Variants in DLC1 observed in about 807,000 individuals in gnomAD.
DLC1 encodes DLC1 Rho GTPase activating protein.
In DLC1, 54 loss-of-function variants were observed where a neutral mutation model predicts 140.3. That is an observed-to-expected ratio of 0.38 (90% CI 0.31 to 0.48). The LOEUF (loss-of-function observed/expected upper bound fraction) is 0.48, where lower values mean the gene tolerates loss of function less well. DLC1 is among the 20% of genes least tolerant of loss of function. The pLI, the probability that DLC1 is intolerant of heterozygous loss-of-function variation, is 0.96. For missense variants in DLC1, 2,536 were observed against 1,907.0 expected (o/e 1.33, Z -6.14); for synonymous variants, 986 against 728.1 (o/e 1.35, Z -5.70).
Position 13,099,768 on chromosome 8 carries a change from T to C in DLC1, c.2569A>G (p.Ser857Gly). ...GHISLRRENS[S>G]DSPKELKRRN... ...CTCTTCAGTTCCTTGGGGCTGTCGCTACTGTTTTCCCTCCTGAGGCTGATG... is the reference window on the plus strand; with the variant it reads ...CTCTTCAGTTCCTTGGGGCTGTCGCCACTGTTTTCCCTCCTGAGGCTGATG... The change falls in exon 9 of 18, where the codon AGC becomes GGC. Residue 857 changes from serine to glycine, a missense_variant. Transcript: ENST00000276297. 2 of 1,614,120 alleles carry C rather than the reference T, an allele frequency of 1.2e-6. No individual in the cohort carries two copies. Among genetic ancestry groups the C allele is most frequent in the African/African-American group, 2.7e-5 (2 of 75,042 alleles).
intron 5 of DLC1, among the ~76,000 whole-genome samples, chr8:13,248,106 C>T (rs1341594063): frequency 6.6e-6 from 1 of 152,220 alleles, no homozygotes; most frequent in Non-Finnish European, 1.5e-5. Flanking sequence ...TGCTTTTGCA[C>T]AGGGAAGCTG....
intron 5 of DLC1, among the ~76,000 whole-genome samples, chr8:13,244,451 C>T (rs1341147321): frequency 6.6e-6 from 1 of 152,050 alleles, no homozygotes; most frequent in African/African-American, 2.4e-5. Flanking sequence ...GTGTGCAGCA[C>T]TATGCCTGGC....
chr8:13,579,352 TATATATA>T (rs1563454034), intron 1 of DLC1, among the ~76,000 whole-genome samples: 3 of 31,508 alleles, frequency 9.5e-5, no homozygotes, highest in African/African-American at 4.2e-4. Context: ...TATATATATA[TATATATA>T]TATTTTTATA....
At chr8:13,385,119 G>A (rs6999844) in intron 4 of DLC1, among the ~76,000 whole-genome samples, 17,554 of 152,064 alleles carry the variant, frequency 0.12, 1,241 homozygotes, top group Non-Finnish European at 0.16. Context: ...GGTGGGAGCG[G>A]CCCTGATTTA....
chr8:13,351,425 G>C lies in DLC1; in HGVS notation c.1314+42128C>G, dbSNP rs1017392161. 2.0e-5 allele frequency among the ~76,000 whole-genome samples: 3 copies of C among 152,158 alleles called. No individual in the cohort carries two copies. The East Asian group carries it at 5.8e-4, about 29-fold the overall frequency. ...GTTAGTTTTCCTATATAATTACTTA[G>C]AAAAGGATTGCAAATATGCCTTCAG... On this transcript the variant is annotated intron_variant, in intron 4 of 17. Transcript: ENST00000276297.
At chr8:13,430,545 T>G (rs1030418488) in intron 2 of DLC1, among the ~76,000 whole-genome samples, 2 of 152,208 alleles carry the variant, frequency 1.3e-5, no homozygotes, top group Non-Finnish European at 2.9e-5. Flanking sequence ...TTATATTTTG[T>G]GGTGGTGCTC....
intron 1 of DLC1, among the ~76,000 whole-genome samples, chr8:13,563,799 G>C (rs1174587031): frequency 6.6e-6 from 1 of 152,072 alleles, no homozygotes; most frequent in Non-Finnish European, 1.5e-5. Flanking sequence ...GAAATACCTT[G>C]CATCTGAATG....
intron 5 of DLC1, among the ~76,000 whole-genome samples, chr8:13,263,881 C>T (rs1038886795): frequency 6.6e-6 from 1 of 151,494 alleles, no homozygotes; most frequent in African/African-American, 2.4e-5. Context: ...ATGAGTTACT[C>T]TACCACAGAA....
chr8:13,417,733 G>C (rs1227329605), intron 2 of DLC1, among the ~76,000 whole-genome samples: 1 of 152,060 alleles, frequency 6.6e-6, no homozygotes, highest in Non-Finnish European at 1.5e-5. Flanking sequence ...CCCAGTAATG[G>C]GATGGCTGGG....
intron 5 of DLC1, among the ~76,000 whole-genome samples, chr8:13,122,802 G>T (rs1478269701): frequency 1.7e-5 from 2 of 120,688 alleles, no homozygotes; most frequent in Non-Finnish European, 3.6e-5. Flanking sequence ...TGCATAGTCT[G>T]AAAAAAAAAA....
intron 2 of DLC1, among the ~76,000 whole-genome samples, chr8:13,445,265 T>C (rs1798725510): frequency 6.6e-6 from 1 of 152,182 alleles, no homozygotes; most frequent in Non-Finnish European, 1.5e-5. Context: ...ATGGCTGTTA[T>C]TCATCACATC....
At chr8:13,524,108 TTTATTATTATTATTATTA>T (rs77161996) in intron 1 of DLC1, among the ~76,000 whole-genome samples, 154 of 138,714 alleles carry the variant, frequency 1.1e-3, no homozygotes, top group African/African-American at 2.6e-3. Flanking sequence ...ATCTATTCTA[TTTATTATTATTATTATTA>T]TTATTATTAT....
chr8:13,494,680 G>A (rs1211961675), intron 2 of DLC1, among the ~76,000 whole-genome samples: 1 of 152,174 alleles, frequency 6.6e-6, no homozygotes, highest in Non-Finnish European at 1.5e-5. Context: ...GCCGGGCACA[G>A]TGGCTCACAC....
intron 5 of DLC1, among the ~76,000 whole-genome samples, chr8:13,155,671 C>G (rs1372902248): frequency 6.6e-6 from 1 of 151,930 alleles, no homozygotes; most frequent in Non-Finnish European, 1.5e-5. Flanking sequence ...CATTATGACT[C>G]TGATAAAAAT....
chr8:13,519,141 C>A (rs528990169), upstream of DLC1, among the ~76,000 whole-genome samples: 1 of 133,634 alleles, frequency 7.5e-6, no homozygotes, highest in South Asian at 2.9e-4. Context: ...TCCCTCCCCC[C>A]TCCCCAGATG....
intron 5 of DLC1, among the ~76,000 whole-genome samples, chr8:13,154,864 A>G (rs12542826): frequency 0.79 from 120,170 of 152,166 alleles, 47,926 homozygotes; most frequent in East Asian, 0.91. Flanking sequence ...AGCGCTATTA[A>G]AATTTTGATA....
chr8:13,172,301 C>T (rs963660867), intron 5 of DLC1, among the ~76,000 whole-genome samples: 3 of 152,128 alleles, frequency 2.0e-5, no homozygotes, highest in Admixed American at 6.5e-5. Context: ...AGCCTCAATA[C>T]TAAAACCACT....
At chr8:13,566,217 G>A (rs1329502610) in intron 1 of DLC1, among the ~76,000 whole-genome samples, 1 of 152,140 alleles carries the variant, frequency 6.6e-6, no homozygotes, top group East Asian at 1.9e-4. Flanking sequence ...CCCTTCCTGA[G>A]GAAATGGGAC....
At chr8:13,471,457 GAGGAAGGAAGGAATGA>G in intron 2 of DLC1, among the ~76,000 whole-genome samples, 1 of 142,452 alleles carries the variant, frequency 7.0e-6, no homozygotes, top group South Asian at 2.4e-4. Flanking sequence ...AAAAAAGAGT[GAGGAAGGAAGGAATGA>G]AGGAAGGAAG....
Sources: gnomAD v4.1 joint callset for allele counts (sites outside exome capture counted in the v4.1 genomes callset) on GRCh38, gnomAD v4.1.1 for gene constraint, MANE v1.5 for transcripts, NCBI Gene and HGNC (gene_info 2026-07-23, HGNC 2026-07-21) for gene names.